The following AUTS2 variants were observed in gnomAD, a reference collection of about 807,000 sequenced individuals.
AUTS2 encodes activator of transcription and developmental regulator AUTS2, also known as autism susceptibility gene 2 protein.
Under a neutral mutation model 112.4 loss-of-function variants are expected in AUTS2, and 17 were observed. That is an observed-to-expected ratio of 0.15 (90% CI 0.10 to 0.23). The LOEUF is 0.23. Among genes scored for constraint, AUTS2 ranks in the 10% least tolerant of loss-of-function variants. The pLI is 1.00. For missense variants in AUTS2, 1,510 were observed against 1,701.6 expected (o/e 0.89, Z 1.98); for synonymous variants, 751 against 702.7 (o/e 1.07, Z -1.09).
At chr7:69,698,695 A>G (rs528415506) in intron 1 of AUTS2, among the ~76,000 whole-genome samples, 15 of 152,322 alleles carry the variant, frequency 9.8e-5, no homozygotes, top group South Asian at 8.3e-4. Context: ...TGCCGAGTCA[A>G]TTTGGGTCAG....
intron 2 of AUTS2, among the ~76,000 whole-genome samples, chr7:69,986,844 A>G (rs1280359734): frequency 6.6e-6 from 1 of 152,228 alleles, no homozygotes; most frequent in Non-Finnish European, 1.5e-5. Context: ...CAAATTAGCA[A>G]GCAGTTGTTT....
chr7:70,066,395 A>G lies in AUTS2; in HGVS notation c.523-51737A>G, dbSNP rs566247765. ...CTTTGTTTTTGTTTTTTTCCAAGGG[A>G]AGACAAATATTTAAGTTCAAAGTCA... is the stretch of plus-strand genomic sequence containing the variant. On this transcript the variant is annotated intron_variant, in intron 2 of 18. Transcript: ENST00000342771. Among the ~76,000 whole-genome samples, 7 of 152,236 alleles carry G rather than the reference A, an allele frequency of 4.6e-5. No homozygotes were observed. The South Asian group carries it at 1.2e-3, about 27-fold the overall frequency.
intron 4 of AUTS2, among the ~76,000 whole-genome samples, chr7:70,420,908 C>T (rs1455875487): frequency 6.6e-6 from 1 of 152,092 alleles, no homozygotes; most frequent in East Asian, 1.9e-4. Context: ...AAATACGTGC[C>T]TTTTACCAAT....
chr7:70,072,555 G>A (rs956767190), intron 2 of AUTS2, among the ~76,000 whole-genome samples: 1 of 152,154 alleles, frequency 6.6e-6, no homozygotes, highest in Non-Finnish European at 1.5e-5. Context: ...AGAGATAATG[G>A]CACTAGTGCA....
chr7:70,690,355 T>C (rs1245210416), intron 5 of AUTS2, among the ~76,000 whole-genome samples: 1 of 152,208 alleles, frequency 6.6e-6, no homozygotes, highest in Admixed American at 6.5e-5. Flanking sequence ...TAGTTGGAGT[T>C]ATCACCCTCC....
chr7:70,475,941 ACT>A (rs1165405880), intron 5 of AUTS2, among the ~76,000 whole-genome samples: 1 of 152,130 alleles, frequency 6.6e-6, no homozygotes, highest in Non-Finnish European at 1.5e-5. Context: ...AGGTGGGAAG[ACT>A]GTTAGAGCCC....
chr7:69,806,318 T>C (rs1203270409), intron 1 of AUTS2, among the ~76,000 whole-genome samples: 1 of 151,334 alleles, frequency 6.6e-6, no homozygotes, highest in East Asian at 1.9e-4. Context: ...AGGTAAAGGT[T>C]TAGTAGGAGA....
chr7:70,722,015 C>CT (rs1461524262), intron 6 of AUTS2, among the ~76,000 whole-genome samples: 2 of 151,776 alleles, frequency 1.3e-5, no homozygotes, highest in African/African-American at 4.8e-5. Context: ...CCAAAGTGTG[C>CT]TTTTTTACAA....
intron 10 of AUTS2, 113 bp downstream of exon 10, chr7:70,768,181 C>G: frequency 1.9e-6 from 2 of 1,029,436 alleles, no homozygotes; most frequent in Non-Finnish European, 2.8e-6. Flanking sequence ...TGCAAGAGTT[C>G]CCATTGCTCC....
intron 4 of AUTS2, among the ~76,000 whole-genome samples, chr7:70,422,278 A>T (rs949179414): frequency 6.6e-6 from 1 of 152,228 alleles, no homozygotes; most frequent in Non-Finnish European, 1.5e-5. Flanking sequence ...TAATGTGGCC[A>T]TTATGTCTTA....
At chr7:70,095,519 A>G (rs1055016599) in intron 2 of AUTS2, among the ~76,000 whole-genome samples, 5 of 152,156 alleles carry the variant, frequency 3.3e-5, no homozygotes, top group Non-Finnish European at 7.3e-5. Context: ...ATTCATGAAT[A>G]TGTACATTCA....
At chr7:70,516,720 C>A (rs763563818) in intron 5 of AUTS2, among the ~76,000 whole-genome samples, 17 of 152,122 alleles carry the variant, frequency 1.1e-4, no homozygotes, top group African/African-American at 4.1e-4. Flanking sequence ...ATAACGTACA[C>A]GAAAGCACTT....
intron 5 of AUTS2, among the ~76,000 whole-genome samples, chr7:70,636,649 AT>A (rs11320215): frequency 0.73 from 100,319 of 137,532 alleles, 36,069 homozygotes; most frequent in East Asian, 0.82. Context: ...ACAAAAATAC[AT>A]TTTTTTTTTT....
chr7:69,959,057 C>G (rs918891011), intron 2 of AUTS2, among the ~76,000 whole-genome samples: 1 of 152,116 alleles, frequency 6.6e-6, no homozygotes, highest in Non-Finnish European at 1.5e-5. Context: ...AAATTTTGCC[C>G]GTTACCTCTG....
intron 4 of AUTS2, among the ~76,000 whole-genome samples, chr7:70,335,555 G>A (rs907121663): frequency 6.6e-6 from 1 of 152,200 alleles, no homozygotes; most frequent in African/African-American, 2.4e-5. Flanking sequence ...AAGTGCATAG[G>A]CAGAGGAGAC....
intron 4 of AUTS2, among the ~76,000 whole-genome samples, chr7:70,303,422 A>ACGCGCGCG (rs776005782): frequency 4.8e-5 from 6 of 125,756 alleles, no homozygotes; most frequent in African/African-American, 1.9e-4. Context: ...GCACACACAC[A>ACGCGCGCG]CGCGCGCGCG....
intron 11 of AUTS2, among the ~76,000 whole-genome samples, chr7:70,773,447 G>A (rs1387087203): frequency 6.6e-6 from 1 of 152,202 alleles, no homozygotes; most frequent in Non-Finnish European, 1.5e-5. Context: ...AAGCAGAATT[G>A]CTTTAGAAAT....
At chr7:70,672,549 T>A (rs1239551813) in intron 5 of AUTS2, among the ~76,000 whole-genome samples, 1 of 152,146 alleles carries the variant, frequency 6.6e-6, no homozygotes, top group Non-Finnish European at 1.5e-5. Flanking sequence ...CCAGGGCAGC[T>A]GAATAGATAA....
chr7:70,650,404 G>A (rs939745204), intron 5 of AUTS2, among the ~76,000 whole-genome samples: 2 of 152,202 alleles, frequency 1.3e-5, no homozygotes, highest in Non-Finnish European at 2.9e-5. Context: ...GAGGGCTCTT[G>A]CCTGGGCAAC....
Sources: gnomAD v4.1 joint callset for allele counts (sites outside exome capture counted in the v4.1 genomes callset) on GRCh38, gnomAD v4.1.1 for gene constraint, MANE v1.5 for transcripts, NCBI Gene and HGNC (gene_info 2026-07-23, HGNC 2026-07-21) for gene names.